The following RNF144A variants were observed in gnomAD, a reference collection of about 807,000 sequenced individuals.
The protein encoded by RNF144A is E3 ubiquitin-protein ligase RNF144A.
A neutral mutation model predicts 38.7 loss-of-function variants in RNF144A; 11 were observed. The observed-to-expected ratio is 0.28, with a 90% CI of 0.18 to 0.47. The LOEUF (loss-of-function observed/expected upper bound fraction) is 0.47, where lower values mean the gene tolerates loss of function less well. RNF144A is among the 20% of genes least tolerant of loss of function. RNF144A has a pLI of 0.99. For missense variants in RNF144A, 316 were observed against 377.2 expected (o/e 0.84, Z 1.34); for synonymous variants, 149 against 143.9 (o/e 1.04, Z -0.25).
chr2:7,068,432 G>A (rs1266673595), downstream of RNF144A: 1 of 385,918 alleles, frequency 2.6e-6, no homozygotes, highest in Non-Finnish European at 5.0e-6. Context: ...AGTGGGTTGA[G>A]CTTCAGATCC....
chr2:7,070,407 A>G (rs1346780029), downstream of RNF144A, among the ~76,000 whole-genome samples: 1 of 152,134 alleles, frequency 6.6e-6, no homozygotes, highest in Non-Finnish European at 1.5e-5. Flanking sequence ...TTTTTGTATA[A>G]AGAACAGCAT....
At chr2:6,965,163 C>A (rs1188762880) in intron 2 of RNF144A, among the ~76,000 whole-genome samples, 2 of 152,108 alleles carry the variant, frequency 1.3e-5, no homozygotes, top group Non-Finnish European at 2.9e-5. Context: ...AGCTGGCAGG[C>A]CTGTTGTGAG....
At chr2:6,994,327 T>A (rs1453195484) in intron 2 of RNF144A, among the ~76,000 whole-genome samples, 2 of 152,148 alleles carry the variant, frequency 1.3e-5, no homozygotes, top group Non-Finnish European at 2.9e-5. Context: ...GTGATCCAAT[T>A]TAGGGCCAGC....
At chr2:6,927,417 T>C (rs1324754073) in intron 1 of RNF144A, among the ~76,000 whole-genome samples, 1 of 152,236 alleles carries the variant, frequency 6.6e-6, no homozygotes. Flanking sequence ...GTGCAGTGGA[T>C]CCAGCCTTTC....
Position 6,997,018 on chromosome 2 carries a change from A to G in RNF144A, c.92A>G (p.Gln31Arg). ...TGTCTTGGGGAGTACCCAGTGGAGC[A>G]GATGACAACCATAGCCCAGTGCCAA... ...KLCLGEYPVE[Q>R]MTTIAQCQCI... Residue 31 changes from glutamine to arginine, a missense_variant, in exon 3 of 9, where the codon CAG becomes CGG. By Grantham distance (43) the Gln-to-Arg change is conservative (BLOSUM62 1). Coordinates refer to ENST00000320892, the MANE Select transcript of RNF144A (RefSeq NM_014746.6). 1 of 1,614,244 alleles carries G rather than the reference A, an allele frequency of 6.2e-7. No individual in the cohort carries two copies. Among genetic ancestry groups the G allele is most frequent in the Non-Finnish European group, 8.5e-7 (1 of 1,180,034 alleles).
intron 2 of RNF144A, among the ~76,000 whole-genome samples, chr2:6,989,271 A>G (rs1435732464): frequency 6.6e-6 from 1 of 150,988 alleles, no homozygotes; most frequent in Non-Finnish European, 1.5e-5. Context: ...GATGAGGCCA[A>G]CTCTATTCCA....
chr2:7,017,345 C>A (rs1300361923), intron 5 of RNF144A, among the ~76,000 whole-genome samples: 3 of 147,336 alleles, frequency 2.0e-5, no homozygotes, highest in Admixed American at 2.0e-4. Flanking sequence ...AAGTAAAGCT[C>A]AGAGAGATTA....
In RNF144A at chr2:7,053,388, G is replaced by A. The variant is rs151214762; in HGVS notation, c.735-14828G>A. ...AATATGTTTATCTCCCAGTTTCCAT[G>A]GGTCTGAGTTCTCTACTCAGGGTCT... On this transcript the variant is annotated intron_variant, in intron 6 of 6. Coordinates refer to the RNF144A transcript ENST00000432850. 2.2e-3 allele frequency among the ~76,000 whole-genome samples: 331 copies of A among 152,330 alleles called. 1 individual carries two copies. The highest frequency in any genetic ancestry group is 7.7e-3 in the African/African-American group (319 of 41,570).
At chr2:6,955,371 C>T (rs1279438530) in intron 2 of RNF144A, among the ~76,000 whole-genome samples, 1 of 152,072 alleles carries the variant, frequency 6.6e-6, no homozygotes, top group Non-Finnish European at 1.5e-5. Context: ...TCTGTGGTTC[C>T]CCTCTGTGAA....
chr2:7,009,576 T>C (rs999925469), intron 3 of RNF144A, among the ~76,000 whole-genome samples: 1 of 151,732 alleles, frequency 6.6e-6, no homozygotes, highest in African/African-American at 2.4e-5. Flanking sequence ...TAATTTGAAC[T>C]CTTCAGCTTG....
Position 6,962,044 on chromosome 2 carries a change from A to C in RNF144A, c.-12+20897A>C, listed in dbSNP as rs1319860635. ...CAGTGGAAGTTTAATAGGTGAAAGAAAGAGAATAGCTCTCCGCTACAGAGA... is the reference window on the plus strand; with the variant it reads ...CAGTGGAAGTTTAATAGGTGAAAGACAGAGAATAGCTCTCCGCTACAGAGA... On this transcript the variant is annotated intron_variant, in intron 2 of 8. Transcript: ENST00000320892. The surrounding 1 kb of genome is among the most constrained non-coding windows in gnomAD (Gnocchi z 4.1). 2.0e-5 allele frequency among the ~76,000 whole-genome samples: 3 copies of C among 152,228 alleles called. No homozygotes were observed. Among genetic ancestry groups the C allele is most frequent in the Non-Finnish European group, 4.4e-5 (3 of 68,028 alleles).
In RNF144A at chr2:6,944,598, T is replaced by G. The variant is rs1666216128; in HGVS notation, c.-12+3451T>G. Among the ~76,000 whole-genome samples the G allele has an allele frequency of 6.6e-6, 1 of 152,180 alleles. No individual in the cohort carries two copies. The highest frequency in any genetic ancestry group is 2.4e-5 in the African/African-American group (1 of 41,428). On this transcript the variant is annotated intron_variant, in intron 2 of 8. Coordinates refer to ENST00000320892, the MANE Select transcript of RNF144A (RefSeq NM_014746.6). The surrounding 1 kb of genome is among the most constrained non-coding windows in gnomAD (Gnocchi z 4.7). ...CTAATTTTATGTTTATTTTTTAATC[T>G]TAACTTTAACATATTAGGATTATTG...
chr2:7,036,516 T>A (rs1672688781), intron 8 of RNF144A, among the ~76,000 whole-genome samples: 1 of 152,212 alleles, frequency 6.6e-6, no homozygotes, highest in South Asian at 2.1e-4. Flanking sequence ...CTAAGGGTAT[T>A]TCTCACTGAG....
At chr2:6,938,647 C>T (rs887200709) in intron 1 of RNF144A, among the ~76,000 whole-genome samples, 1 of 152,186 alleles carries the variant, frequency 6.6e-6, no homozygotes, top group African/African-American at 2.4e-5. Flanking sequence ...AGTATAGTCA[C>T]AGAATTTTGT....
chr2:7,020,831 T>C lies in RNF144A; in HGVS notation c.509+151T>C, dbSNP rs185969947. 426 of 646,204 alleles carry C rather than the reference T, an allele frequency of 6.6e-4. No individual in the cohort carries two copies. The African/African-American group carries it at 6.9e-3, about 10-fold the overall frequency. The allele number at this position is 646,204 out of a possible 1,614,324, so 40.0% of individuals were successfully genotyped here. A position where few individuals can be genotyped will look rare whatever the true frequency, so the allele number is the denominator to read the frequency against. On this transcript the variant is annotated intron_variant, in intron 6 of 8. Transcript: ENST00000320892. Reference sequence around the variant, plus strand: ...GTACCTCTTGAGCCTCACTCAAGCCTGTCATTATTTGTATGTCTATTTATT... The same window carrying C: ...GTACCTCTTGAGCCTCACTCAAGCCCGTCATTATTTGTATGTCTATTTATT...
At chr2:7,044,259 A>G (rs1673213130), downstream of RNF144A, 7 of 880,314 alleles carry the variant, frequency 8.0e-6, no homozygotes, top group South Asian at 5.2e-5. Context: ...TCAGTCTTCA[A>G]TATTTAATCT....
chr2:6,995,455 C>T (rs1228732729), intron 2 of RNF144A, among the ~76,000 whole-genome samples: 5 of 152,154 alleles, frequency 3.3e-5, no homozygotes, highest in Non-Finnish European at 7.4e-5. Context: ...CTCACACGAT[C>T]ACGACGTGAG....
Position 6,954,400 on chromosome 2 carries a change from C to A in RNF144A, c.-12+13253C>A, listed in dbSNP as rs377252357. ...CCTTAAATTCTCAGTTTCTAAAAAC[C>A]CTAAGAGCCTTAGAATTCTGTAGTC... On this transcript the variant is annotated intron_variant, in intron 2 of 8. Coordinates refer to ENST00000320892, the MANE Select transcript of RNF144A (RefSeq NM_014746.6). Among the ~76,000 whole-genome samples, 24 of 152,088 alleles carry A rather than the reference C, an allele frequency of 1.6e-4. No individual in the cohort carries two copies. The East Asian group carries it at 2.3e-3, about 15-fold the overall frequency.
rs993067606 is a variant in RNF144A, at chr2:6,942,488, G to T, written c.-12+1341G>T. 3.1e-4 allele frequency among the ~76,000 whole-genome samples: 47 copies of T among 152,234 alleles called. 1 individual carries two copies. Among genetic ancestry groups the T allele is most frequent in the Non-Finnish European group, 4.4e-5 (3 of 68,044 alleles). On this transcript the variant is annotated intron_variant, in intron 2 of 8. Coordinates refer to ENST00000320892, the MANE Select transcript of RNF144A (RefSeq NM_014746.6). Reference sequence around the variant, plus strand: ...AGTGGGGCACACTCTGCAGATAGCAGTAGCAGCAGCAGCAGGGAAAAGTGG... The same window carrying T: ...AGTGGGGCACACTCTGCAGATAGCATTAGCAGCAGCAGCAGGGAAAAGTGG...
Sources: allele counts gnomAD v4.1 joint callset (sites outside exome capture counted in the v4.1 genomes callset), GRCh38; gene constraint gnomAD v4.1.1; non-coding constraint Gnocchi (gnomAD v3.1); transcripts MANE v1.5; gene names NCBI Gene and HGNC (gene_info 2026-07-23, HGNC 2026-07-21).